IPP: variants seen among roughly 807,000 people sequenced by gnomAD.
The protein encoded by IPP is actin-binding protein IPP.
In IPP, 41 loss-of-function variants were observed where a neutral mutation model predicts 64.1. That is an observed-to-expected ratio of 0.64 (90% CI 0.50 to 0.83). IPP has a LOEUF of 0.83. Ranked by LOEUF, IPP falls within the 40% of genes least tolerant of loss-of-function variation. IPP has a pLI of 0.00. For missense variants in IPP, 649 were observed against 703.0 expected (o/e 0.92, Z 0.87); for synonymous variants, 214 against 235.2 (o/e 0.91, Z 0.83).
At chr1:45,747,834 CAAAAAAAAAAAAA>C (rs60576414) in intron 1 of IPP, among the ~76,000 whole-genome samples, 26 of 39,296 alleles carry the variant, frequency 6.6e-4, no homozygotes, top group African/African-American at 1.9e-3. Flanking sequence ...GACTCTGTCT[CAAAAAAAAAAAAA>C]AAAAAAAAAA....
In IPP at chr1:45,741,103, C is replaced by T. The variant is rs1378637778; in HGVS notation, c.522G>A (p.Glu174=). ...GCTGATCTTTCGTAAGTGCCAGGAACTCTTCTCCACTATGAACCTCCAAGA... is the reference window on the plus strand; with the variant it reads ...GCTGATCTTTCGTAAGTGCCAGGAATTCTTCTCCACTATGAACCTCCAAGA... ...VHFLEVHSGE[E]FLALTKDQLI... is the part of the protein sequence containing the mutation. The change falls in exon 3 of 9, where the codon GAG becomes GAA. Residue 174 remains glutamate (E), a synonymous_variant. Transcript: ENST00000396478. The T allele has an allele frequency of 6.2e-7, 1 of 1,614,112 alleles. No homozygotes were observed. Among genetic ancestry groups the T allele is most frequent in the South Asian group, 1.1e-5 (1 of 91,076 alleles).
chr1:45,704,476 T>C (rs1645492010), intron 8 of IPP, among the ~76,000 whole-genome samples: 2 of 152,056 alleles, frequency 1.3e-5, no homozygotes, highest in African/African-American at 4.8e-5. Context: ...GACCTAGCAA[T>C]CCACCCGCCT....
downstream of IPP, chr1:45,697,962 AAAAAAAAAGAAACGGGAAATC>A (rs950562255): frequency 5.9e-5 from 9 of 151,842 alleles, no homozygotes; most frequent in African/African-American, 2.2e-4. Context: ...CATCTAAAAA[AAAAAAAAAGAAACGGGAAATC>A]AAATCCTTAA....
chr1:45,727,283 C>T (rs1645841664), intron 5 of IPP, among the ~76,000 whole-genome samples: 1 of 152,126 alleles, frequency 6.6e-6, no homozygotes, highest in Non-Finnish European at 1.5e-5. Flanking sequence ...CTCTTGAGCT[C>T]AAGTGATCCG....
At chr1:45,713,870 G>GT (rs138178828) in intron 8 of IPP, among the ~76,000 whole-genome samples, 3,903 of 149,488 alleles carry the variant, frequency 0.026, 161 homozygotes, top group African/African-American at 0.09. Context: ...TACAAAAAAA[G>GT]TTTTTTTTTT....
At position 45,746,454 on chromosome 1, in the gene IPP, TTAC is replaced by T. The variant is rs1420624890; in HGVS notation, c.-46_-44del. The T allele has an allele frequency of 2.2e-5, 33 of 1,492,022 alleles. No homozygotes were observed. The highest frequency in any genetic ancestry group is 2.6e-5 in the Non-Finnish European group (28 of 1,093,838). The allele number at this position is 1,492,022 out of a possible 1,614,324, so 92.4% of individuals were successfully genotyped here. On this transcript the variant is annotated 5_prime_UTR_variant, in exon 2 of 9. Transcript: ENST00000396478. Reference sequence around the variant, plus strand: ...TAAAAGGACTGTTGCCCATAATCTGTTACTACCCTGAAAAACAAAATACAAAGA... The same window carrying T: ...TAAAAGGACTGTTGCCCATAATCTGTTACCCTGAAAAACAAAATACAAAGA...
At chr1:45,746,043 A>T in intron 2 of IPP, 77 bp downstream of exon 2, 1 of 1,251,032 alleles carries the variant, frequency 8.0e-7, no homozygotes, top group South Asian at 1.4e-5. Context: ...GATAAGTTAG[A>T]TCAATTTATA....
At chr1:45,727,589 C>A in intron 5 of IPP, 42 bp downstream of exon 5, 1 of 1,282,118 alleles carries the variant, frequency 7.8e-7, no homozygotes. Context: ...TAGAATATAG[C>A]CAACAAGACT....
At chr1:45,700,281 T>C in intron 8 of IPP, 91 bp from the exon 9 acceptor site, 1 of 1,475,648 alleles carries the variant, frequency 6.8e-7, no homozygotes, top group Non-Finnish European at 9.0e-7. Flanking sequence ...CAGTTCTTTT[T>C]ACATGTTTAA....
At chr1:45,710,354 C>T (rs1645573546) in intron 8 of IPP, among the ~76,000 whole-genome samples, 1 of 124,726 alleles carries the variant, frequency 8.0e-6, no homozygotes, top group Non-Finnish European at 1.8e-5. Context: ...AAAAGACATT[C>T]TCAGCTGGGC....
downstream of IPP, among the ~76,000 whole-genome samples, chr1:45,695,567 C>G (rs912827754): frequency 6.6e-6 from 1 of 152,046 alleles, no homozygotes; most frequent in African/African-American, 2.4e-5. Context: ...AACAGAAAAC[C>G]TAGTTTTCTG....
chr1:45,740,504 A>AC (rs570832466), intron 3 of IPP, among the ~76,000 whole-genome samples: 32 of 150,080 alleles, frequency 2.1e-4, no homozygotes, highest in African/African-American at 5.7e-4. Flanking sequence ...CGGGGGGCTG[A>AC]CCCCCCCACC....
chr1:45,713,744 T>C (rs1461445012), intron 8 of IPP, among the ~76,000 whole-genome samples: 1 of 152,130 alleles, frequency 6.6e-6, no homozygotes, highest in Non-Finnish European at 1.5e-5. Context: ...TTGTTATTTA[T>C]TATACAGTCT....
intron 2 of IPP, among the ~76,000 whole-genome samples, chr1:45,744,215 G>A (rs1017558683): frequency 6.6e-6 from 1 of 152,112 alleles, no homozygotes; most frequent in East Asian, 1.9e-4. Flanking sequence ...GCAGTAGCAT[G>A]ATCATCACTC....
chr1:45,733,098 T>A (rs1645931788), intron 3 of IPP, among the ~76,000 whole-genome samples: 1 of 152,000 alleles, frequency 6.6e-6, no homozygotes, highest in Non-Finnish European at 1.5e-5. Context: ...AAATCAAGAA[T>A]AATGAAAGAG....
intron 5 of IPP, among the ~76,000 whole-genome samples, chr1:45,726,143 T>C (rs1645823229): frequency 1.6e-5 from 2 of 126,246 alleles, no homozygotes; most frequent in South Asian, 5.4e-4. Context: ...CTGGGCAACA[T>C]AGTGAGACCC....
chr1:45,695,452 C>T (rs1410875052), downstream of IPP, among the ~76,000 whole-genome samples: 2 of 152,100 alleles, frequency 1.3e-5, no homozygotes, highest in Non-Finnish European at 2.9e-5. Flanking sequence ...TGAGCCACTG[C>T]ACCCAGTGCA....
chr1:45,723,152 G>A (rs545939505), intron 5 of IPP, among the ~76,000 whole-genome samples: 1 of 152,200 alleles, frequency 6.6e-6, no homozygotes, highest in Non-Finnish European at 1.5e-5. Context: ...CCAACATTTA[G>A]AATATGAACC....
At chr1:45,711,273 G>A (rs1202000634) in intron 8 of IPP, among the ~76,000 whole-genome samples, 3 of 151,722 alleles carry the variant, frequency 2.0e-5, no homozygotes, top group Non-Finnish European at 2.9e-5. Flanking sequence ...CCTGGGAGGC[G>A]GAGGTTGTAG....
Sources: allele counts gnomAD v4.1 joint callset (sites outside exome capture counted in the v4.1 genomes callset), GRCh38; gene constraint gnomAD v4.1.1; transcripts MANE v1.5; gene names NCBI Gene and HGNC (gene_info 2026-07-23, HGNC 2026-07-21).